SLC35F3: variants seen among roughly 807,000 people sequenced by gnomAD.
The protein encoded by SLC35F3 is solute carrier family 35 member F3, also known as putative thiamine transporter SLC35F3.
A neutral mutation model predicts 49.9 loss-of-function variants in SLC35F3; 25 were observed. The ratio of observed to expected loss-of-function variants is 0.50; its 90% CI spans 0.37 to 0.70. SLC35F3 has a LOEUF of 0.70. Among genes scored for constraint, SLC35F3 ranks in the 30% least tolerant of loss-of-function variants. SLC35F3 has a pLI of 0.00. For missense variants in SLC35F3, 525 were observed against 639.8 expected, an observed-to-expected ratio of 0.82 and a Z score of 1.94; for synonymous variants, 275 against 265.4, an observed-to-expected ratio of 1.04 and a Z score of -0.35.
chr1:234,257,048 CA>C (rs1667830574), intron 3 of SLC35F3, among the ~76,000 whole-genome samples: 1 of 152,176 alleles, frequency 6.6e-6, no homozygotes, highest in African/African-American at 2.4e-5. Context: ...TGGATACTTA[CA>C]ACTTAAAACG....
chr1:233,916,379 C>T (rs1037059630), intron 2 of SLC35F3, among the ~76,000 whole-genome samples: 2 of 152,176 alleles, frequency 1.3e-5, no homozygotes, highest in African/African-American at 2.4e-5. Context: ...GCAATCCTCC[C>T]GCCTCAGCCT....
Position 233,904,959 on chromosome 1 carries a change from C to A in SLC35F3, c.-119C>A. 8.4e-7 allele frequency: 1 copy of A among 1,186,430 alleles called. No individual in the cohort carries two copies. Among genetic ancestry groups the A allele is most frequent in the Non-Finnish European group, 1.2e-6 (1 of 857,006 alleles). 73.5% of individuals were successfully genotyped at this position (1,186,430 alleles called of 1,614,324 possible). A position where few individuals can be genotyped will look rare whatever the true frequency, so the allele number is the denominator to read the frequency against. ...AAGCGGCCCGGGGCGGCCGGCGCGG[C>A]GCAGACCCTCGGTGGGCAGCGCACT... On this transcript the variant is annotated 5_prime_UTR_variant, in exon 1 of 8. Coordinates refer to ENST00000366618, the MANE Select transcript of SLC35F3 (RefSeq NM_173508.4).
At chr1:234,311,857 C>T (rs1014307749) in intron 4 of SLC35F3, among the ~76,000 whole-genome samples, 2 of 152,216 alleles carry the variant, frequency 1.3e-5, no homozygotes, top group African/African-American at 2.4e-5. Flanking sequence ...CAGATCTTGG[C>T]TCCATTGTTA....
At chr1:234,079,906 G>A (rs1664849386) in intron 2 of SLC35F3, among the ~76,000 whole-genome samples, 1 of 152,146 alleles carries the variant, frequency 6.6e-6, no homozygotes, top group Non-Finnish European at 1.5e-5. Flanking sequence ...TTTGTCTCTG[G>A]TTTCTGTAAC....
intron 2 of SLC35F3, among the ~76,000 whole-genome samples, chr1:234,109,984 A>ATGG (rs1230239306): frequency 6.6e-6 from 1 of 152,196 alleles, no homozygotes; most frequent in African/African-American, 2.4e-5. Flanking sequence ...TGGCAGGGCT[A>ATGG]TGGTATGACT....
chr1:234,139,726 G>C (rs1032114892), intron 2 of SLC35F3, among the ~76,000 whole-genome samples: 1 of 151,848 alleles, frequency 6.6e-6, no homozygotes, highest in Non-Finnish European at 1.5e-5. Context: ...GAGGTGGGCG[G>C]ATCATGAGGT....
chr1:234,083,879 C>G (rs1664919608), intron 2 of SLC35F3, among the ~76,000 whole-genome samples: 1 of 151,076 alleles, frequency 6.6e-6, no homozygotes, highest in Non-Finnish European at 1.5e-5. Context: ...CTCTTGTTGC[C>G]CAGGCTGGAG....
At chr1:234,028,878 G>A (rs1427144909) in intron 2 of SLC35F3, among the ~76,000 whole-genome samples, 2 of 152,136 alleles carry the variant, frequency 1.3e-5, no homozygotes, top group African/African-American at 2.4e-5. Context: ...CATGGTGATG[G>A]TTTGGACAAG....
intron 4 of SLC35F3, among the ~76,000 whole-genome samples, chr1:234,311,682 G>A (rs1485845648): frequency 1.3e-5 from 2 of 152,250 alleles, no homozygotes; most frequent in Non-Finnish European, 2.9e-5. Flanking sequence ...GTATGAGAGG[G>A]TGAGAAGCCA....
In SLC35F3 at chr1:234,108,735, ATCTTT is replaced by A. The variant is rs1558231824; in HGVS notation, c.284-122680_284-122676del. 5.7e-5 allele frequency among the ~76,000 whole-genome samples: 5 copies of A among 87,074 alleles called. 1 individual carries two copies. The highest frequency in any genetic ancestry group is 9.8e-5 in the Non-Finnish European group (5 of 51,262). The allele number at this position is 87,074 out of a possible 152,430, so 57.1% of individuals were successfully genotyped here. A position where few individuals can be genotyped will look rare whatever the true frequency, so the allele number is the denominator to read the frequency against. ...ATAAAAGATATATATAAATATATAT[ATCTTT>A]TATATATAAAAGATATATATAAATA... On this transcript the variant is annotated intron_variant, in intron 2 of 7. Transcript: ENST00000366618.
intron 3 of SLC35F3, among the ~76,000 whole-genome samples, chr1:234,293,916 G>A (rs78625812): frequency 0.1 from 15,660 of 152,106 alleles, 1,072 homozygotes; most frequent in Middle Eastern, 0.21. Flanking sequence ...GGTCATCTTC[G>A]TCTTACTCCA....
intron 3 of SLC35F3, among the ~76,000 whole-genome samples, chr1:234,291,864 A>T (rs1668513444): frequency 6.6e-6 from 1 of 152,182 alleles, no homozygotes; most frequent in Non-Finnish European, 1.5e-5. Context: ...CAAAAGCCAA[A>T]AATATTGGGA....
intron 3 of SLC35F3, among the ~76,000 whole-genome samples, chr1:234,281,042 C>T (rs1257136652): frequency 6.6e-6 from 1 of 152,114 alleles, no homozygotes; most frequent in Non-Finnish European, 1.5e-5. Context: ...CCTTCCCAGC[C>T]TACTGTGTTC....
In SLC35F3 at chr1:234,153,878, G is replaced by C. The variant is rs138953395; in HGVS notation, c.284-77539G>C. The stretch of plus-strand genomic sequence containing the variant: ...CACGAGGTCAGGAGATCGAGACCAT[G>C]CTGGCTAACCCCGTCTCTACTAAAA... On this transcript the variant is annotated intron_variant, in intron 2 of 7. Coordinates refer to ENST00000366618, the MANE Select transcript of SLC35F3 (RefSeq NM_173508.4). Among the ~76,000 whole-genome samples the C allele has an allele frequency of 7.3e-3, 1,114 of 151,742 alleles. 19 individuals carry two copies. Among genetic ancestry groups the C allele is most frequent in the African/African-American group, 0.024 (998 of 41,224 alleles).
intron 2 of SLC35F3, among the ~76,000 whole-genome samples, chr1:234,058,356 T>TTTTC (rs1664487680): frequency 6.9e-6 from 1 of 144,370 alleles, no homozygotes; most frequent in Admixed American, 6.9e-5. Flanking sequence ...TTTTTTTTTT[T>TTTTC]TTCAGTTAAA....
At chr1:234,185,135 CAGA>C (rs1015207588) in intron 2 of SLC35F3, among the ~76,000 whole-genome samples, 3 of 152,106 alleles carry the variant, frequency 2.0e-5, no homozygotes, top group African/African-American at 7.2e-5. Flanking sequence ...CAAATACTTG[CAGA>C]AGGAGGAGGG....
At position 234,231,522 on chromosome 1, in the gene SLC35F3, C is replaced by G; in HGVS notation, c.389C>G (p.Ala130Gly). The change falls in exon 3 of 8, where the codon GCG becomes GGG. Residue 130 changes from alanine to glycine, a missense_variant. Coordinates refer to ENST00000366618, the MANE Select transcript of SLC35F3 (RefSeq NM_173508.4). The surrounding 1 kb of genome is among the most constrained non-coding windows in gnomAD (Gnocchi z 5.4). ...CGCCGCTGCTGGACGTGCTCCCGGG[C>G]GCAACTCAAGAAGATCTTCTGGGGC... ...ASRRCWTCSR[A>G]QLKKIFWGVA... is the part of the protein sequence containing the mutation. 1 of 1,613,920 alleles carries G rather than the reference C, an allele frequency of 6.2e-7. No individual in the cohort carries two copies. Among genetic ancestry groups the G allele is most frequent in the East Asian group, 2.2e-5 (1 of 44,854 alleles).
intron 2 of SLC35F3, among the ~76,000 whole-genome samples, chr1:234,026,157 G>A (rs890140537): frequency 2.6e-5 from 4 of 152,212 alleles, no homozygotes; most frequent in Admixed American, 6.5e-5. Context: ...TGGTCTATGT[G>A]TCTATTTTTG....
intron 2 of SLC35F3, among the ~76,000 whole-genome samples, chr1:233,918,708 A>G (rs755453974): frequency 3.9e-5 from 6 of 151,964 alleles, no homozygotes; most frequent in Non-Finnish European, 5.9e-5. Context: ...CGGAGGTTGC[A>G]GTGAGCCAAG....
Sources: gnomAD v4.1 joint callset for allele counts (sites outside exome capture counted in the v4.1 genomes callset) on GRCh38, gnomAD v4.1.1 for gene constraint, Gnocchi (gnomAD v3.1) non-coding constraint, MANE v1.5 for transcripts, NCBI Gene and HGNC (gene_info 2026-07-23, HGNC 2026-07-21) for gene names.